Variants in CASZ1 observed in about 807,000 individuals in gnomAD.
CASZ1 encodes the protein castor zinc finger 1, also known as zinc finger protein castor homolog 1.
CASZ1 carries 28 observed loss-of-function variants against 135.2 expected under a neutral mutation model. The ratio of observed to expected loss-of-function variants is 0.21; its 90% confidence interval spans 0.15 to 0.28. The LOEUF (loss-of-function observed/expected upper bound fraction) is 0.28. Ranked by LOEUF, CASZ1 falls within the 10% of genes least tolerant of loss-of-function variation. The pLI, the probability that CASZ1 is intolerant of heterozygous loss-of-function variation, is 1.00. For missense variants in CASZ1, 2,161 were observed against 2,453.3 expected (o/e 0.88, Z 2.52); for synonymous variants, 1,068 against 1,073.4 (o/e 0.99, Z 0.10).
intron 4 of CASZ1, among the ~76,000 whole-genome samples, chr1:10,688,812 C>A (rs941320008): frequency 1.3e-5 from 2 of 151,984 alleles, no homozygotes; most frequent in South Asian, 2.1e-4. Flanking sequence ...GTGGTCCCGG[C>A]GAGGCTGCCC....
rs1464660544 is a variant in CASZ1, at chr1:10,642,860, T to C, written c.4161A>G (p.Ala1387=). 2.5e-6 allele frequency: 4 copies of C among 1,612,298 alleles called. No homozygotes were observed. Among genetic ancestry groups the C allele is most frequent in the Non-Finnish European group, 3.4e-6 (4 of 1,179,582 alleles). Residue 1387 remains alanine, a splice_region_variant and synonymous_variant, in exon 20 of 21, where the codon GCA becomes GCG. Transcript: ENST00000377022. ...STPVGNESTA[A]GNTISMPTAS... is the part of the protein sequence containing the mutation. Reference sequence around the variant, plus strand: ...CAGCAGCCCCTGCCTGCCGCTCACCTGCCGCGGTGCTCTCGTTACCCACGG... The same window carrying C: ...CAGCAGCCCCTGCCTGCCGCTCACCCGCCGCGGTGCTCTCGTTACCCACGG...
At chr1:10,658,010 T>A (rs1642867318) in intron 7 of CASZ1, 1 of 152,668 alleles carries the variant, frequency 6.6e-6, no homozygotes, top group Non-Finnish European at 1.5e-5. Context: ...TTTTTTTTTT[T>A]TTTAAAGAGA....
chr1:10,696,290 T>G (rs1214622089), intron 3 of CASZ1, among the ~76,000 whole-genome samples: 1 of 152,198 alleles, frequency 6.6e-6, no homozygotes, highest in Non-Finnish European at 1.5e-5. Context: ...ACAGCCTCAT[T>G]GGCTCTGTGA....
intron 1 of CASZ1, among the ~76,000 whole-genome samples, chr1:10,775,680 T>C (rs886778418): frequency 2.6e-5 from 4 of 152,272 alleles, no homozygotes; most frequent in Non-Finnish European, 5.9e-5. Flanking sequence ...ACCTGCCCTC[T>C]CTAGGCACAG....
chr1:10,648,011 G>A lies in CASZ1; in HGVS notation c.3287C>T (p.Thr1096Met), dbSNP rs549619786. 25 of 1,601,236 alleles carry A rather than the reference G, an allele frequency of 1.6e-5. No individual in the cohort carries two copies. Among genetic ancestry groups the A allele is most frequent in the South Asian group, 1.2e-4 (11 of 89,242 alleles). The part of the protein sequence containing the change: ...SPPVPPVTTA[T>M]VSSLEGPAPS... ...AGCGGGCCCCTCCAGAGAGGACACCGTGGCCGTGGTGACAGGAGGGACCGG... is the reference window on the plus strand; with the variant it reads ...AGCGGGCCCCTCCAGAGAGGACACCATGGCCGTGGTGACAGGAGGGACCGG... The change falls in exon 16 of 21, where the codon ACG becomes ATG. Residue 1096 changes from threonine (T) to methionine (M), a missense_variant. By Grantham distance (81) the Thr-to-Met change is moderately conservative (BLOSUM62 -1). Coordinates refer to ENST00000377022, the MANE Select transcript of CASZ1 (RefSeq NM_001079843.3).
Position 10,639,131 on chromosome 1 carries a change from GTCGTCC to G in CASZ1, c.5085_5090del (p.Glu1695_Asp1696del), listed in dbSNP as rs746886067. ...CGTCCTCGTCGTCGTCGTCCTCGTC[GTCGTCC>G]TCGTCCTCGTCGTCTTCGGCCTCCT... is the stretch of plus-strand genomic sequence containing the variant. On this transcript the variant is annotated inframe_deletion, in exon 21 of 21. Transcript: ENST00000377022. This position sits in a 1 kb window ranked among gnomAD's most constrained non-coding sequence, Gnocchi z 4.0. 6.6e-4 allele frequency: 745 copies of G among 1,133,358 alleles called. 3 individuals are homozygous for G. The highest frequency in any genetic ancestry group is 3.6e-3 in the African/African-American group (210 of 59,146). The allele number at this position is 1,133,358 out of a possible 1,614,324, so 70.2% of individuals were successfully genotyped here.
Position 10,660,132 on chromosome 1 carries a change from T to A in CASZ1, c.910A>T (p.Asn304Tyr). The change falls in exon 6 of 21, where the codon AAC becomes TAC. Residue 304 changes from asparagine to tyrosine, a missense_variant. By Grantham distance (143) the Asn-to-Tyr change is moderately radical (BLOSUM62 -2). Coordinates refer to ENST00000377022, the MANE Select transcript of CASZ1 (RefSeq NM_001079843.3). ...TACTTGGAGGCCCGGGCTACCAGGT[T>A]CTGCATCTGGACACTGCTGTGCGAC... ...LPSHSSVQMQ[N>Y]LVARASKYDF... 6.2e-7 allele frequency: 1 copy of A among 1,614,154 alleles called. No individual in the cohort carries two copies. Among genetic ancestry groups the A allele is most frequent in the Non-Finnish European group, 8.5e-7 (1 of 1,180,012 alleles).
At chr1:10,682,821 G>A (rs1638469655) in intron 4 of CASZ1, among the ~76,000 whole-genome samples, 2 of 152,224 alleles carry the variant, frequency 1.3e-5, no homozygotes, top group African/African-American at 4.8e-5. Context: ...TATCAGGGAG[G>A]CCAGGGAAAG....
intron 1 of CASZ1, among the ~76,000 whole-genome samples, chr1:10,795,644 C>A (rs1322095371): frequency 6.6e-6 from 1 of 152,240 alleles, no homozygotes; most frequent in African/African-American, 2.4e-5. Flanking sequence ...GACAGCCGGG[C>A]AGCTCTGGGC....
intron 1 of CASZ1, among the ~76,000 whole-genome samples, chr1:10,790,481 C>G (rs960738524): frequency 6.6e-5 from 10 of 152,214 alleles, no homozygotes; most frequent in African/African-American, 2.4e-4. Context: ...GTCTGTTTTT[C>G]TGATATAGAC....
chr1:10,642,806 T>G, intron 20 of CASZ1, 53 bp downstream of exon 20: 1 of 1,594,494 alleles, frequency 6.3e-7, no homozygotes, highest in Non-Finnish European at 8.5e-7. Flanking sequence ...CCAGCGGTGC[T>G]GGGCTTTGGG....
chr1:10,688,226 C>T (rs767849669), intron 4 of CASZ1, among the ~76,000 whole-genome samples: 1 of 152,132 alleles, frequency 6.6e-6, no homozygotes, highest in African/African-American at 2.4e-5. Flanking sequence ...AGCAACGTCA[C>T]AGGTCTACCC....
intron 2 of CASZ1, among the ~76,000 whole-genome samples, chr1:10,728,917 G>T (rs950084325): frequency 3.9e-5 from 6 of 152,158 alleles, no homozygotes; most frequent in Non-Finnish European, 8.8e-5. Flanking sequence ...CACAGGAGCT[G>T]GGATGGGAAA....
chr1:10,704,048 T>C (rs1639117879), intron 3 of CASZ1: 1 of 152,176 alleles, frequency 6.6e-6, no homozygotes, highest in Non-Finnish European at 1.5e-5. Context: ...GGCGGAGGTT[T>C]CTAGAGGAAG....
intron 5 of CASZ1, among the ~76,000 whole-genome samples, chr1:10,662,624 G>A (rs940207102): frequency 2.7e-5 from 4 of 150,132 alleles, no homozygotes; most frequent in South Asian, 2.1e-4. Context: ...ATCCAGACAC[G>A]CAGTCACATA....
At position 10,700,199 on chromosome 1, in the gene CASZ1, G is replaced by C. The variant is rs1639033390; in HGVS notation, c.-24+5293C>G. Among the ~76,000 whole-genome samples the C allele has an allele frequency of 6.6e-6, 1 of 152,176 alleles. No individual in the cohort carries two copies. The highest frequency in any genetic ancestry group is 1.5e-5 in the Non-Finnish European group (1 of 68,032). Reference sequence around the variant, plus strand: ...GTGGCCCCAGCCCGGGCGGGGACCTGTTCTGGAATGTTGGGTTGGCATTTT... The same window carrying C: ...GTGGCCCCAGCCCGGGCGGGGACCTCTTCTGGAATGTTGGGTTGGCATTTT... On this transcript the variant is annotated intron_variant, in intron 3 of 20. Coordinates refer to ENST00000377022, the MANE Select transcript of CASZ1 (RefSeq NM_001079843.3). The surrounding 1 kb of genome is among the most constrained non-coding windows in gnomAD (Gnocchi z 4.2).
Position 10,755,658 on chromosome 1 carries a change from G to A in CASZ1, c.-77+5043C>T, listed in dbSNP as rs544595746. On this transcript the variant is annotated intron_variant, in intron 2 of 20. Coordinates refer to ENST00000377022, the MANE Select transcript of CASZ1 (RefSeq NM_001079843.3). The surrounding 1 kb of genome is among the most constrained non-coding windows in gnomAD (Gnocchi z 4.3). ...CGAAGGCAGGGGGTGTGGGGAGAAC[G>A]GAGGAAGGAGGCCCAGGCTGGGGTT... Among the ~76,000 whole-genome samples, 27 of 152,252 alleles carry A rather than the reference G, an allele frequency of 1.8e-4. No homozygotes were observed. Among genetic ancestry groups the A allele is most frequent in the African/African-American group, 5.3e-4 (22 of 41,558 alleles).
intron 1 of CASZ1, among the ~76,000 whole-genome samples, chr1:10,779,345 T>C (rs979766002): frequency 6.6e-6 from 1 of 151,558 alleles, no homozygotes; most frequent in Admixed American, 6.6e-5. Context: ...AAAGCTATTG[T>C]TGCACAGCAC....
chr1:10,787,057 C>G (rs1640872233), intron 1 of CASZ1, among the ~76,000 whole-genome samples: 1 of 152,188 alleles, frequency 6.6e-6, no homozygotes, highest in Non-Finnish European at 1.5e-5. Context: ...ATAAATTCTT[C>G]GTTACGTTTA....
Sources: gnomAD v4.1 joint callset for allele counts (sites outside exome capture counted in the v4.1 genomes callset) on GRCh38, gnomAD v4.1.1 for gene constraint, Gnocchi (gnomAD v3.1) non-coding constraint, MANE v1.5 for transcripts, NCBI Gene and HGNC (gene_info 2026-07-23, HGNC 2026-07-21) for gene names.